SYCP1: variants seen among roughly 807,000 people sequenced by gnomAD.
The protein encoded by SYCP1 is synaptonemal complex protein 1.
Under a neutral mutation model 153.1 loss-of-function variants are expected in SYCP1, and 64 were observed. The observed-to-expected ratio is 0.42, with a 90% CI of 0.34 to 0.51. The LOEUF (loss-of-function observed/expected upper bound fraction) is 0.51. Among genes scored for constraint, SYCP1 ranks in the 20% least tolerant of loss-of-function variants. SYCP1 has a pLI of 0.06. For missense variants in SYCP1, 997 were observed against 1,049.0 expected (o/e 0.95, Z 0.68); for synonymous variants, 384 against 341.8 (o/e 1.12, Z -1.36).
At chr1:114,991,620 C>T (rs1179861336) in intron 30 of SYCP1, among the ~76,000 whole-genome samples, 1 of 151,560 alleles carries the variant, frequency 6.6e-6, no homozygotes, top group Non-Finnish European at 1.5e-5. Context: ...TGGTAGAAAA[C>T]CTCTCAGAAA....
In SYCP1 at chr1:114,887,801, G is replaced by A. The variant is rs12135485; in HGVS notation, c.1258+108G>A. 7,098 of 616,026 alleles carry A rather than the reference G, an allele frequency of 0.012. 55 individuals are homozygous for A. Among genetic ancestry groups the A allele is most frequent in the Middle Eastern group, 0.017 (53 of 3,038 alleles). 38.2% of individuals were successfully genotyped at this position (616,026 alleles called of 1,614,324 possible). On this transcript the variant is annotated intron_variant, in intron 15 of 31. Coordinates refer to ENST00000369522, the MANE Select transcript of SYCP1 (RefSeq NM_003176.4). ...ATTTCCCCTCTGTCATTTGCCAGTA[G>A]AGATTGCTTGATAATATTTTTATTT...
In SYCP1 at chr1:114,857,448, G is replaced by T; in HGVS notation, c.242G>T (p.Gly81Val). The change falls in exon 5 of 32, where the codon GGT becomes GTT. Residue 81 changes from glycine to valine, a missense_variant. By Grantham distance (109) the Gly-to-Val change is moderately radical (BLOSUM62 -3). Coordinates refer to ENST00000369522, the MANE Select transcript of SYCP1 (RefSeq NM_003176.4). Reference sequence around the variant, plus strand: ...TAGAAACATCTATCTTTTTAGGTTGGTAATTCTGACTGTCACTATCAGGAA... The same window carrying T: ...TAGAAACATCTATCTTTTTAGGTTGTTAATTCTGACTGTCACTATCAGGAA... ...VNFLPVLEQV[G>V]NSDCHYQEGL... is the part of the protein sequence containing the mutation. 1 of 1,598,320 alleles carries T rather than the reference G, an allele frequency of 6.3e-7. No individual in the cohort carries two copies. Among genetic ancestry groups the T allele is most frequent in the Non-Finnish European group, 8.5e-7 (1 of 1,172,184 alleles).
At chr1:114,949,867 T>A (rs1670977517) in intron 27 of SYCP1, among the ~76,000 whole-genome samples, 1 of 152,180 alleles carries the variant, frequency 6.6e-6, no homozygotes. Context: ...TATTTGCATA[T>A]CAAAAATAAT....
intron 8 of SYCP1, among the ~76,000 whole-genome samples, chr1:114,864,895 GGTACAT>G (rs1411561290): frequency 6.6e-5 from 10 of 151,472 alleles, no homozygotes; most frequent in Non-Finnish European, 1.5e-4. Flanking sequence ...TAAGTTTTAG[GGTACAT>G]GTGCACAATG....
At chr1:114,956,198 G>T (rs116459722) in intron 27 of SYCP1, among the ~76,000 whole-genome samples, 3,794 of 152,156 alleles carry the variant, frequency 0.025, 58 homozygotes, top group South Asian at 0.034. Context: ...ACCTGTTTGG[G>T]CTAACAAGAT....
At chr1:114,926,367 A>C in intron 22 of SYCP1, 27 bp downstream of exon 22, 1 of 1,521,702 alleles carries the variant, frequency 6.6e-7, no homozygotes. Flanking sequence ...AATATTCTCA[A>C]AATCAAACTG....
intron 15 of SYCP1, among the ~76,000 whole-genome samples, chr1:114,888,681 C>A (rs1666480891): frequency 6.6e-6 from 1 of 151,834 alleles, no homozygotes; most frequent in Non-Finnish European, 1.5e-5. Flanking sequence ...TGTTTTAAAT[C>A]ATTATATATA....
At chr1:114,929,111 C>T (rs529648476) in intron 23 of SYCP1, among the ~76,000 whole-genome samples, 2 of 152,222 alleles carry the variant, frequency 1.3e-5, no homozygotes, top group African/African-American at 4.8e-5. Flanking sequence ...ATCCTTATGA[C>T]CTAATCACTT....
intron 3 of SYCP1, 66 bp from the exon 4 acceptor site, chr1:114,857,166 A>ACACAAAAAAC: frequency 8.8e-7 from 1 of 1,131,524 alleles, no homozygotes; most frequent in Non-Finnish European, 1.2e-6. Flanking sequence ...AAGAGAAAAA[A>ACACAAAAAAC]GAAAAAAAAA....
intron 27 of SYCP1, among the ~76,000 whole-genome samples, chr1:114,956,875 G>A (rs1440306798): frequency 6.7e-6 from 1 of 150,328 alleles, no homozygotes; most frequent in African/African-American, 2.5e-5. Context: ...AAGGCAGACT[G>A]TGCCTACAAT....
chr1:114,984,443 G>A (rs528167400), intron 29 of SYCP1, among the ~76,000 whole-genome samples: 1 of 152,088 alleles, frequency 6.6e-6, no homozygotes, highest in South Asian at 2.1e-4. Flanking sequence ...GAGTGTGTCT[G>A]TCTCTCTGTT....
intron 23 of SYCP1, among the ~76,000 whole-genome samples, chr1:114,929,014 T>A (rs1402956412): frequency 1.3e-5 from 2 of 152,172 alleles, no homozygotes; most frequent in African/African-American, 2.4e-5. Flanking sequence ...AGCCAACTTT[T>A]CATTGTGTCT....
At chr1:114,931,574 A>G (rs192701695) in intron 23 of SYCP1, among the ~76,000 whole-genome samples, 60 of 152,272 alleles carry the variant, frequency 3.9e-4, no homozygotes, top group African/African-American at 1.4e-3. Context: ...ACTGAGACCA[A>G]TGAAAGAAGA....
intron 15 of SYCP1, among the ~76,000 whole-genome samples, chr1:114,889,738 T>G (rs981104596): frequency 6.6e-6 from 1 of 152,222 alleles, no homozygotes. Flanking sequence ...TGGCTTCTGT[T>G]GCCGTTGCTT....
chr1:114,928,174 A>G (rs1263322963), intron 23 of SYCP1, among the ~76,000 whole-genome samples: 1 of 152,174 alleles, frequency 6.6e-6, no homozygotes, highest in East Asian at 1.9e-4. Context: ...CACTTAAAAC[A>G]AACTTGCAGA....
At chr1:114,965,649 G>A (rs1672070626) in intron 27 of SYCP1, among the ~76,000 whole-genome samples, 1 of 152,090 alleles carries the variant, frequency 6.6e-6, no homozygotes, top group Non-Finnish European at 1.5e-5. Context: ...TTTATGTGAT[G>A]GATTATGTTT....
At chr1:114,878,059 T>C in intron 11 of SYCP1, 35 bp from the exon 12 acceptor site, 1 of 1,200,718 alleles carries the variant, frequency 8.3e-7, no homozygotes, top group Non-Finnish European at 1.2e-6. Flanking sequence ...ATATTTAAAT[T>C]TTCATATTGA....
Position 114,895,440 on chromosome 1 carries a change from C to A in SYCP1, c.1259-8C>A. The A allele has an allele frequency of 1.4e-6, 2 of 1,459,368 alleles. No homozygotes were observed. The highest frequency in any genetic ancestry group is 1.4e-5 in the South Asian group (1 of 73,406). 90.4% of individuals were successfully genotyped at this position (1,459,368 alleles called of 1,614,324 possible). ...CTTTTTAACACATTTTTTTTTTGCT[C>A]ATTTTAGAAGAGATGACTAAGCTTA... is the stretch of plus-strand genomic sequence containing the variant. On this transcript the variant is annotated splice_region_variant and splice_polypyrimidine_tract_variant and intron_variant, in intron 15 of 31. Coordinates refer to ENST00000369522, the MANE Select transcript of SYCP1 (RefSeq NM_003176.4).
chr1:114,861,304 A>T (rs998245453), intron 8 of SYCP1, among the ~76,000 whole-genome samples: 3 of 152,172 alleles, frequency 2.0e-5, no homozygotes, highest in African/African-American at 7.2e-5. Context: ...CAGTTTAAAA[A>T]TTTTAAAGCA....
Sources: allele counts gnomAD v4.1 joint callset (sites outside exome capture counted in the v4.1 genomes callset), GRCh38; gene constraint gnomAD v4.1.1; transcripts MANE v1.5; gene names NCBI Gene and HGNC (gene_info 2026-07-23, HGNC 2026-07-21).